The following EFCAB6 variants were observed in gnomAD, a reference collection of about 807,000 sequenced individuals.
EFCAB6 encodes the protein EF-hand calcium-binding domain-containing protein 6.
A neutral mutation model predicts 169.8 loss-of-function variants in EFCAB6; 156 were observed. The observed-to-expected ratio is 0.92, with a 90% CI of 0.81 to 1.05. The LOEUF (loss-of-function observed/expected upper bound fraction) is 1.05. EFCAB6 is among the 50% of genes least tolerant of loss of function. EFCAB6 has a pLI of 0.00. For missense variants in EFCAB6, 1,800 were observed against 1,829.1 expected (o/e 0.98, Z 0.29); for synonymous variants, 698 against 676.4 (o/e 1.03, Z -0.50).
rs141260065 is a variant in EFCAB6 at position 43,657,172 on chromosome 22, G to A, written c.1983+9932C>T. Among the ~76,000 whole-genome samples, 55 of 152,228 alleles carry A rather than the reference G, an allele frequency of 3.6e-4. 1 individual carries two copies. Among genetic ancestry groups the A allele is most frequent in the Admixed American group, 1.8e-3 (27 of 15,302 alleles). On this transcript the variant is annotated intron_variant, in intron 17 of 31. Coordinates refer to ENST00000262726, the MANE Select transcript of EFCAB6 (RefSeq NM_022785.4). ...TAGCCAGGTGTGGTGGTATGCACCTGTAGTCCCAGCTACTCAGGAAGCTGA... is the reference window on the plus strand; with the variant it reads ...TAGCCAGGTGTGGTGGTATGCACCTATAGTCCCAGCTACTCAGGAAGCTGA...
At chr22:43,789,847 T>TCTCACACACA (rs1556414973) in intron 2 of EFCAB6, among the ~76,000 whole-genome samples, 1 of 143,302 alleles carries the variant, frequency 7.0e-6, no homozygotes, top group Non-Finnish European at 1.5e-5. Context: ...TGGCTAACCT[T>TCTCACACACA]CACACACACA....
chr22:43,585,940 G>A (rs1305611110), intron 24 of EFCAB6, among the ~76,000 whole-genome samples: 1 of 152,012 alleles, frequency 6.6e-6, no homozygotes, highest in Non-Finnish European at 1.5e-5. Context: ...CAGAAATAAG[G>A]GAGAAATAAA....
intron 27 of EFCAB6, among the ~76,000 whole-genome samples, chr22:43,543,704 C>T (rs890650234): frequency 1.9e-4 from 29 of 152,106 alleles, no homozygotes; most frequent in African/African-American, 6.5e-4. Context: ...TGGATGGGGC[C>T]GGAGCAGTGA....
chr22:43,647,115 AC>A (rs1232915694), intron 17 of EFCAB6, among the ~76,000 whole-genome samples: 1 of 150,346 alleles, frequency 6.7e-6, no homozygotes, highest in Non-Finnish European at 1.5e-5. Flanking sequence ...CTTGCTATAA[AC>A]CTAAAGCTGC....
intron 30 of EFCAB6, among the ~76,000 whole-genome samples, chr22:43,532,580 C>CTTTTTTTTTT (rs34388230): frequency 6.8e-6 from 1 of 146,244 alleles, no homozygotes. Context: ...TGTCTAAAGT[C>CTTTTTTTTTT]TTTTTTTTTT....
At chr22:43,758,546 A>C (rs1441630535) in intron 5 of EFCAB6, among the ~76,000 whole-genome samples, 1 of 152,246 alleles carries the variant, frequency 6.6e-6, no homozygotes, top group Non-Finnish European at 1.5e-5. Context: ...CACTCAGCTG[A>C]CTATTGTCTA....
At chr22:43,533,015 C>A (rs1213630977) in intron 30 of EFCAB6, among the ~76,000 whole-genome samples, 1 of 152,154 alleles carries the variant, frequency 6.6e-6, no homozygotes, top group Non-Finnish European at 1.5e-5. Context: ...TTTTTGGCTT[C>A]ATGTTTTGGA....
chr22:43,749,279 G>A (rs550907253), intron 6 of EFCAB6, among the ~76,000 whole-genome samples: 1 of 152,228 alleles, frequency 6.6e-6, no homozygotes, highest in East Asian at 1.9e-4. Flanking sequence ...CACGAGTTAC[G>A]TTTTTGTCTG....
intron 8 of EFCAB6, among the ~76,000 whole-genome samples, chr22:43,726,239 T>A (rs1165827164): frequency 2.2e-5 from 1 of 44,890 alleles, no homozygotes; most frequent in African/African-American, 8.7e-5. Context: ...TTATAATACC[T>A]AAAGAAATAA....
intron 9 of EFCAB6, among the ~76,000 whole-genome samples, chr22:43,712,718 C>T (rs1053384409): frequency 3.3e-5 from 5 of 152,026 alleles, no homozygotes; most frequent in Admixed American, 6.6e-5. Context: ...TGGTGTGTAG[C>T]GGGGGCTCGG....
rs543518315 is a variant in EFCAB6, at chr22:43,714,690, C to T, written c.882+2158G>A. Among the ~76,000 whole-genome samples, 11 of 152,092 alleles carry T rather than the reference C, an allele frequency of 7.2e-5. No individual in the cohort carries two copies. The East Asian group carries it at 1.2e-3, about 16-fold the overall frequency. The stretch of plus-strand genomic sequence containing the variant: ...TTAAAGGAAAAGAAAGCATGATGGA[C>T]GGATTATAGCCAGCCAAGTTGCTGT... On this transcript the variant is annotated intron_variant, in intron 9 of 31. Transcript: ENST00000262726.
intron 10 of EFCAB6, among the ~76,000 whole-genome samples, chr22:43,701,748 G>A (rs2147278606): frequency 6.8e-6 from 1 of 147,694 alleles, no homozygotes; most frequent in Non-Finnish European, 1.5e-5. Flanking sequence ...AAAAAGCAGA[G>A]TCACAGATTT....
chr22:43,644,582 T>C (rs1569307197), intron 17 of EFCAB6, among the ~76,000 whole-genome samples: 1 of 152,206 alleles, frequency 6.6e-6, no homozygotes, highest in Non-Finnish European at 1.5e-5. Flanking sequence ...CCAACCTTAC[T>C]TAGTGCCTGA....
intron 25 of EFCAB6, among the ~76,000 whole-genome samples, chr22:43,578,350 C>T (rs1054244989): frequency 3.9e-5 from 6 of 152,264 alleles, no homozygotes; most frequent in South Asian, 2.1e-4. Flanking sequence ...GACTCTGTGA[C>T]GTTAGAAGGG....
At chr22:43,533,950 G>C (rs2047232313) in intron 30 of EFCAB6, among the ~76,000 whole-genome samples, 1 of 152,180 alleles carries the variant, frequency 6.6e-6, no homozygotes, top group Non-Finnish European at 1.5e-5. Context: ...ATCCGCAAGT[G>C]CGACAAATTA....
At chr22:43,660,297 T>C (rs1221920735) in intron 17 of EFCAB6, among the ~76,000 whole-genome samples, 1 of 152,140 alleles carries the variant, frequency 6.6e-6, no homozygotes, top group Non-Finnish European at 1.5e-5. Context: ...TCATTTCCCC[T>C]GGTGTCAGAA....
intron 27 of EFCAB6, among the ~76,000 whole-genome samples, chr22:43,541,528 G>A (rs189192547): frequency 7.8e-4 from 119 of 152,338 alleles, no homozygotes; most frequent in African/African-American, 2.5e-3. Flanking sequence ...GGCACAGTGC[G>A]GGTGCGGTCT....
At chr22:43,736,764 G>C (rs1316405310) in intron 6 of EFCAB6, among the ~76,000 whole-genome samples, 1 of 152,072 alleles carries the variant, frequency 6.6e-6, no homozygotes, top group Non-Finnish European at 1.5e-5. Context: ...CAACCCCTCT[G>C]AAGGAGGTAC....
At chr22:43,686,296 T>C (rs958017397) in intron 11 of EFCAB6, among the ~76,000 whole-genome samples, 2 of 152,172 alleles carry the variant, frequency 1.3e-5, no homozygotes, top group African/African-American at 4.8e-5. Context: ...TTTTTAATTT[T>C]TTTTTTCAGA....
Sources: allele counts gnomAD v4.1 joint callset (sites outside exome capture counted in the v4.1 genomes callset), GRCh38; gene constraint gnomAD v4.1.1; transcripts MANE v1.5; gene names NCBI Gene and HGNC (gene_info 2026-07-23, HGNC 2026-07-21).